Variants in MEGF9 observed in about 807,000 individuals in gnomAD.
MEGF9 encodes multiple EGF like domains 9.
Under a neutral mutation model 46.8 loss-of-function variants are expected in MEGF9, and 6 were observed. The observed-to-expected ratio is 0.13, with a 90% CI of 0.07 to 0.25. MEGF9 has a LOEUF of 0.25. MEGF9 is among the 10% of genes least tolerant of loss of function. The probability of loss-of-function intolerance (pLI) is 1.00; values close to 1 mark genes in which losing one functional copy is unlikely to be tolerated. For synonymous variants in MEGF9, 302 were observed against 330.7 expected, an observed-to-expected ratio of 0.91 and a Z score of 0.94; for missense variants, 683 against 792.4, an observed-to-expected ratio of 0.86 and a Z score of 1.66.
intron 1 of MEGF9, among the ~76,000 whole-genome samples, chr9:120,665,071 A>T (rs577347491): frequency 2.9e-4 from 44 of 152,302 alleles, no homozygotes; most frequent in African/African-American, 9.9e-4. Context: ...ATTACAGTTA[A>T]CTATATTTAC....
intron 1 of MEGF9, among the ~76,000 whole-genome samples, chr9:120,681,027 C>T (rs575137564): frequency 2.0e-5 from 3 of 152,316 alleles, no homozygotes; most frequent in Non-Finnish European, 2.9e-5. Flanking sequence ...TTGCTCTATC[C>T]TACCATAGAT....
intron 1 of MEGF9, among the ~76,000 whole-genome samples, chr9:120,677,879 T>G (rs796127045): frequency 2.7e-4 from 41 of 152,322 alleles, no homozygotes; most frequent in African/African-American, 9.6e-4. Flanking sequence ...GAGAGTATAT[T>G]TTATTTTTTG....
At chr9:120,672,689 T>C (rs141963231) in intron 1 of MEGF9, among the ~76,000 whole-genome samples, 1 of 152,052 alleles carries the variant, frequency 6.6e-6, no homozygotes, top group Non-Finnish European at 1.5e-5. Flanking sequence ...TAGAAAAAAA[T>C]GTTTATTACA....
chr9:120,711,340 TAA>T (rs1274163214), intron 1 of MEGF9, among the ~76,000 whole-genome samples: 1 of 152,220 alleles, frequency 6.6e-6, no homozygotes, highest in Non-Finnish European at 1.5e-5. Context: ...ATATTTTTTT[TAA>T]AAGTCCATGA....
At position 120,695,603 on chromosome 9, in the gene MEGF9, CAAAAAAAAAA is replaced by C. The variant is rs370281228; in HGVS notation, c.601+18145_601+18154del. 1.3e-3 allele frequency among the ~76,000 whole-genome samples: 25 copies of C among 18,688 alleles called. 1 individual carries two copies. Among genetic ancestry groups the C allele is most frequent in the African/African-American group, 2.4e-3 (20 of 8,268 alleles). 12.3% of individuals were successfully genotyped at this position (18,688 alleles called of 152,430 possible). On this transcript the variant is annotated intron_variant, in intron 1 of 5. Coordinates refer to ENST00000373930, the MANE Select transcript of MEGF9 (RefSeq NM_001080497.3). ...TGGGTGACAGTGTGAGACCCCATCT[CAAAAAAAAAA>C]AAAAAAAAAAAAAAAAGCAAATAAT...
chr9:120,698,630 C>A (rs1000234572), intron 1 of MEGF9, among the ~76,000 whole-genome samples: 2 of 152,192 alleles, frequency 1.3e-5, no homozygotes, highest in African/African-American at 4.8e-5. Flanking sequence ...AGACAAAGTT[C>A]TCACTGCTGT....
chr9:120,662,111 T>C (rs1049200976), intron 1 of MEGF9, among the ~76,000 whole-genome samples: 1 of 152,336 alleles, frequency 6.6e-6, no homozygotes, highest in East Asian at 1.9e-4. Context: ...AGATTAGCAG[T>C]ATCTTCAAAA....
In MEGF9 at chr9:120,615,043, C is replaced by T. The variant is rs530109082; in HGVS notation, c.944-2504G>A. On this transcript the variant is annotated intron_variant, in intron 3 of 5. Coordinates refer to ENST00000373930, the MANE Select transcript of MEGF9 (RefSeq NM_001080497.3). ...TCACCTGAGGTCAGGAGTTCGAGAC[C>T]AGCCTGACCAACATGGTGAAACCCT... Among the ~76,000 whole-genome samples the T allele has an allele frequency of 5.3e-5, 8 of 151,798 alleles. No individual in the cohort carries two copies. The East Asian group carries it at 9.7e-4, about 18-fold the overall frequency.
chr9:120,699,032 T>C (rs1211737607), intron 1 of MEGF9, among the ~76,000 whole-genome samples: 1 of 152,238 alleles, frequency 6.6e-6, no homozygotes, highest in African/African-American at 2.4e-5. Flanking sequence ...AAATCATGTT[T>C]GTGCTGGATC....
At chr9:120,707,912 G>A (rs1020737499) in intron 1 of MEGF9, among the ~76,000 whole-genome samples, 5 of 152,164 alleles carry the variant, frequency 3.3e-5, no homozygotes, top group Non-Finnish European at 5.9e-5. Flanking sequence ...GGGTATGGTT[G>A]CGCATGCCTG....
At chr9:120,693,275 C>CAA (rs10633158) in intron 1 of MEGF9, among the ~76,000 whole-genome samples, 47,557 of 104,134 alleles carry the variant, frequency 0.46, 10,551 homozygotes, top group South Asian at 0.58. Context: ...TCTGGTTAAC[C>CAA]AAAAAAAAAA....
intron 2 of MEGF9, among the ~76,000 whole-genome samples, chr9:120,650,280 C>A (rs571041285): frequency 1.3e-5 from 2 of 152,306 alleles, no homozygotes; most frequent in East Asian, 3.9e-4. Flanking sequence ...ATTTTAAGAA[C>A]TATACTGAGA....
intron 2 of MEGF9, among the ~76,000 whole-genome samples, chr9:120,650,962 TACTTACAAATTAAGC>T (rs2043647034): frequency 6.6e-6 from 1 of 152,224 alleles, no homozygotes; most frequent in Non-Finnish European, 1.5e-5. Flanking sequence ...TGAACTACTA[TACTTACAAATTAAGC>T]AGATATTCAT....
In MEGF9 at chr9:120,666,611, C is replaced by T. The variant is rs188915494; in HGVS notation, c.602-7036G>A. Among the ~76,000 whole-genome samples, 237 of 152,280 alleles carry T rather than the reference C, an allele frequency of 1.6e-3. 2 individuals carry two copies. The highest frequency in any genetic ancestry group is 5.2e-3 in the African/African-American group (215 of 41,546). ...ACAGTTTCTTATAAAGTTAATTATA[C>T]CTTTACTATATGACCCAGCAATTCC... On this transcript the variant is annotated intron_variant, in intron 1 of 5. Transcript: ENST00000373930.
chr9:120,605,342 T>A lies in MEGF9; in HGVS notation c.1657A>T (p.Ile553Phe). The change falls in exon 6 of 6, where the codon ATC becomes TTC. Residue 553 changes from isoleucine to phenylalanine, a missense_variant. Transcript: ENST00000373930. The surrounding 1 kb of genome is among the most constrained non-coding windows in gnomAD (Gnocchi z 4.0). ...NRKLNAPFWT[I>F]ELKEDNISFS... ...CTGATATTGTCTTCTTTCAGCTCGA[T>A]GGTCCAAAAGGGGGCATTGAGTTTC... The A allele has an allele frequency of 6.2e-7, 1 of 1,614,054 alleles. No homozygotes were observed. The highest frequency in any genetic ancestry group is 1.1e-5 in the South Asian group (1 of 91,088).
At chr9:120,681,797 C>T (rs904368459) in intron 1 of MEGF9, among the ~76,000 whole-genome samples, 4 of 152,082 alleles carry the variant, frequency 2.6e-5, no homozygotes, top group African/African-American at 9.7e-5. Context: ...CAAGGGGAGG[C>T]AGGGACAGGG....
At position 120,713,552 on chromosome 9, in the gene MEGF9, G is replaced by A. The variant is rs966571008; in HGVS notation, c.601+206C>T. 2.0e-5 allele frequency among the ~76,000 whole-genome samples: 3 copies of A among 152,212 alleles called. No individual in the cohort carries two copies. In the East Asian group the frequency reaches 5.8e-4, roughly 29 times the overall value. On this transcript the variant is annotated intron_variant, in intron 1 of 5. Coordinates refer to ENST00000373930, the MANE Select transcript of MEGF9 (RefSeq NM_001080497.3). ...CCACCCAGCAGCCACCCCCTCCCGA[G>A]GGAGCACAGCCCACGGGGGACAAAA...
At chr9:120,637,849 A>G (rs912021010) in intron 2 of MEGF9, among the ~76,000 whole-genome samples, 1 of 148,964 alleles carries the variant, frequency 6.7e-6, no homozygotes, top group Admixed American at 6.7e-5. Context: ...TCTGCACTTC[A>G]TAAGTCATTT....
intron 1 of MEGF9, among the ~76,000 whole-genome samples, chr9:120,680,816 C>A (rs1333605354): frequency 6.6e-6 from 1 of 152,216 alleles, no homozygotes; most frequent in Non-Finnish European, 1.5e-5. Context: ...GTGGCCACCA[C>A]CACCACTGGT....
Sources: gnomAD v4.1 joint callset for allele counts (sites outside exome capture counted in the v4.1 genomes callset) on GRCh38, gnomAD v4.1.1 for gene constraint, Gnocchi (gnomAD v3.1) non-coding constraint, MANE v1.5 for transcripts, NCBI Gene and HGNC (gene_info 2026-07-23, HGNC 2026-07-21) for gene names.